CALN1: variants seen among roughly 807,000 people sequenced by gnomAD.
CALN1 encodes calneuron 1, also known as calcium-binding protein 8.
Under a neutral mutation model 30.6 loss-of-function variants are expected in CALN1, and 17 were observed. That is an observed-to-expected ratio of 0.56 (90% CI 0.38 to 0.83). CALN1 has a LOEUF of 0.83. CALN1 is among the 40% of genes least tolerant of loss of function. The probability of loss-of-function intolerance (pLI) is 0.00; values close to 1 mark genes in which losing one functional copy is unlikely to be tolerated. For missense variants in CALN1, 291 were observed against 354.9 expected, an observed-to-expected ratio of 0.82 and a Z score of 1.45; for synonymous variants, 156 against 131.4, an observed-to-expected ratio of 1.19 and a Z score of -1.28.
intron 5 of CALN1, among the ~76,000 whole-genome samples, chr7:71,855,087 A>C (rs754220799): frequency 6.6e-6 from 1 of 152,234 alleles, no homozygotes; most frequent in Non-Finnish European, 1.5e-5. Flanking sequence ...ACACAGCTTA[A>C]ACTCAAACTT....
intron 5 of CALN1, among the ~76,000 whole-genome samples, chr7:72,014,085 CTTTTTTTTTTTT>C (rs71092941): frequency 8.1e-6 from 1 of 123,402 alleles, no homozygotes; most frequent in Non-Finnish European, 1.7e-5. Context: ...TGAGTTGGCT[CTTTTTTTTTTTT>C]TTTTTTTTAG....
At chr7:72,126,699 A>C (rs1156449371) in intron 3 of CALN1, among the ~76,000 whole-genome samples, 1 of 151,892 alleles carries the variant, frequency 6.6e-6, no homozygotes, top group East Asian at 2.0e-4. Flanking sequence ...AGAAGTGAGA[A>C]CATATGATAT....
At chr7:71,979,208 T>C (rs1584665097) in intron 5 of CALN1, among the ~76,000 whole-genome samples, 1 of 152,106 alleles carries the variant, frequency 6.6e-6, no homozygotes, top group Non-Finnish European at 1.5e-5. Context: ...GGAAGACAAT[T>C]TTTCCTAGGA....
intron 5 of CALN1, among the ~76,000 whole-genome samples, chr7:71,851,640 T>A (rs1475830225): frequency 6.6e-6 from 1 of 152,018 alleles, no homozygotes; most frequent in East Asian, 1.9e-4. Context: ...ATCCTTTGGA[T>A]AATTGCCCAT....
intron 3 of CALN1, among the ~76,000 whole-genome samples, chr7:72,273,622 G>A (rs1275338206): frequency 2.7e-5 from 4 of 149,806 alleles, no homozygotes; most frequent in Non-Finnish European, 5.9e-5. Flanking sequence ...GGGCTCAGGC[G>A]ATCCTCCCAC....
intron 3 of CALN1, among the ~76,000 whole-genome samples, chr7:72,134,799 A>G (rs1253253534): frequency 2.6e-5 from 4 of 152,216 alleles, no homozygotes; most frequent in Non-Finnish European, 5.9e-5. Context: ...TTCATAAAAA[A>G]ATTAATCTGT....
chr7:72,418,781 T>C, intron 1 of CALN1, among the ~76,000 whole-genome samples: 1 of 151,954 alleles, frequency 6.6e-6, no homozygotes, highest in Non-Finnish European at 1.5e-5. Context: ...GAGGGCAAGG[T>C]GGGAGGATTG....
At chr7:72,228,601 A>G (rs979850578) in intron 3 of CALN1, among the ~76,000 whole-genome samples, 5 of 151,842 alleles carry the variant, frequency 3.3e-5, no homozygotes, top group African/African-American at 4.8e-5. Flanking sequence ...CAGTTTCCTT[A>G]TCTGTAAACT....
At chr7:72,499,899 TTCTTTCTTTCTTTC>T in the CALN1 span, among the ~76,000 whole-genome samples, 2 of 53,222 alleles carry the variant, frequency 3.8e-5, no homozygotes, top group African/African-American at 2.1e-4. Flanking sequence ...CTTTCTTTCT[TTCTTTCTTTCTTTC>T]TATCTTTCTC....
chr7:71,993,724 T>A (rs1402386676), intron 5 of CALN1, among the ~76,000 whole-genome samples: 1 of 152,138 alleles, frequency 6.6e-6, no homozygotes, highest in African/African-American at 2.4e-5. Flanking sequence ...CCCAAAGTGC[T>A]GGGATTACAG....
In CALN1 at chr7:72,168,334, GTTGA is replaced by G. The variant is rs550712011; in HGVS notation, c.245-62044_245-62041del. On this transcript the variant is annotated intron_variant, in intron 3 of 6. Transcript: ENST00000395275. Reference sequence around the variant, plus strand: ...TAATCTGTAGGGTGGAGAATCAAAGGTTGATTATTTGTGAACTAGACTGTGAATA... The same window carrying G: ...TAATCTGTAGGGTGGAGAATCAAAGGTTATTTGTGAACTAGACTGTGAATA... Among the ~76,000 whole-genome samples, 12 of 152,138 alleles carry G rather than the reference GTTGA, an allele frequency of 7.9e-5. No individual in the cohort carries two copies. The South Asian group carries it at 2.1e-3, about 26-fold the overall frequency.
chr7:71,864,333 GA>G (rs1438960968), intron 5 of CALN1, among the ~76,000 whole-genome samples: 1 of 152,168 alleles, frequency 6.6e-6, no homozygotes, highest in Non-Finnish European at 1.5e-5. Context: ...TGAAGTCTGT[GA>G]ACCAGGCTCT....
chr7:72,466,205 G>A, the CALN1 span, among the ~76,000 whole-genome samples: 2 of 152,068 alleles, frequency 1.3e-5, no homozygotes, highest in African/African-American at 4.8e-5. Context: ...ACCTGAACAG[G>A]AGAACAGACC....
intron 5 of CALN1, among the ~76,000 whole-genome samples, chr7:71,837,218 C>T (rs1234852824): frequency 1.4e-4 from 15 of 107,734 alleles, no homozygotes; most frequent in East Asian, 2.9e-4. Flanking sequence ...GGTGACAGGG[C>T]GAAACTCCAT....
intron 1 of CALN1, among the ~76,000 whole-genome samples, chr7:72,436,143 GGCTCAGCCT>G (rs1285896119): frequency 1.3e-5 from 2 of 152,190 alleles, no homozygotes; most frequent in South Asian, 4.1e-4. Context: ...TTAGTCCCAG[GGCTCAGCCT>G]GCTACACTGC....
Position 71,947,900 on chromosome 7 carries a change from A to C in CALN1, c.501+75757T>G, listed in dbSNP as rs907082739. 4.7e-5 allele frequency among the ~76,000 whole-genome samples: 7 copies of C among 148,100 alleles called. No individual in the cohort carries two copies. The East Asian group carries it at 7.9e-4, about 17-fold the overall frequency. ...GGTTGCAGTGAGCTAGTTGCACTGC[A>C]CTCCAGCCTGGGCGACAGAGCAAGA... On this transcript the variant is annotated intron_variant, in intron 5 of 6. Transcript: ENST00000395275.
At chr7:72,225,660 T>C (rs1793619850) in intron 3 of CALN1, among the ~76,000 whole-genome samples, 1 of 152,134 alleles carries the variant, frequency 6.6e-6, no homozygotes, top group African/African-American at 2.4e-5. Flanking sequence ...TGAAAGGGCA[T>C]AAAATGTCAC....
At chr7:72,354,136 G>T (rs192760993) in intron 2 of CALN1, among the ~76,000 whole-genome samples, 1 of 152,134 alleles carries the variant, frequency 6.6e-6, no homozygotes, top group African/African-American at 2.4e-5. Context: ...GCAGTGAAAC[G>T]AAATTGTGCC....
At chr7:72,339,936 C>T (rs928763404) in intron 2 of CALN1, among the ~76,000 whole-genome samples, 12 of 152,310 alleles carry the variant, frequency 7.9e-5, no homozygotes, top group Admixed American at 5.9e-4. Context: ...TGGGTGGGGA[C>T]ACAGTCAAAC....
Sources: allele counts gnomAD v4.1 joint callset (sites outside exome capture counted in the v4.1 genomes callset), GRCh38; gene constraint gnomAD v4.1.1; transcripts MANE v1.5; gene names NCBI Gene and HGNC (gene_info 2026-07-23, HGNC 2026-07-21).